The following SV2B variants were observed in gnomAD, a reference collection of about 807,000 sequenced individuals.
SV2B encodes solute carrier family 22 member B2.
In SV2B, 41 loss-of-function variants were observed where a neutral mutation model predicts 73.9. The observed-to-expected ratio is 0.56, with a 90% CI of 0.43 to 0.72. The LOEUF (loss-of-function observed/expected upper bound fraction) is 0.72. Ranked by LOEUF, SV2B falls within the 30% of genes least tolerant of loss-of-function variation. SV2B has a pLI of 0.00. For synonymous variants in SV2B, 314 were observed against 314.2 expected, an observed-to-expected ratio of 1.00 and a Z score of 0.01; for missense variants, 764 against 857.8, an observed-to-expected ratio of 0.89 and a Z score of 1.37.
chr15:91,129,335 G>C lies in SV2B; in HGVS notation c.-392+28972G>C, dbSNP rs1366249001. ...GAAATTTACCATTTCATAAGGTAAA[G>C]TGAAAGGAAGGCTGTGGCAAAGGTA... On this transcript the variant is annotated intron_variant, in intron 1 of 12. Transcript: ENST00000394232. This position sits in a 1 kb window ranked among gnomAD's most constrained non-coding sequence, Gnocchi z 5.1. Among the ~76,000 whole-genome samples the C allele has an allele frequency of 6.6e-6, 1 of 152,212 alleles. No homozygotes were observed. The highest frequency in any genetic ancestry group is 1.5e-5 in the Non-Finnish European group (1 of 68,048).
intron 1 of SV2B, among the ~76,000 whole-genome samples, chr15:91,117,288 A>G (rs1352193849): frequency 6.6e-6 from 1 of 152,220 alleles, no homozygotes; most frequent in Non-Finnish European, 1.5e-5. Context: ...GGATAATATT[A>G]ACGAGAATTC....
chr15:91,118,134 T>A lies in SV2B; in HGVS notation c.-392+17771T>A, dbSNP rs2042230119. Among the ~76,000 whole-genome samples the A allele has an allele frequency of 6.6e-6, 1 of 152,112 alleles. No homozygotes were observed. ...GAGGTGAAACACTTTTTGTTCCCCATAAAACCAAGAAAAGGGCCTCCAAGA... is the reference window on the plus strand; with the variant it reads ...GAGGTGAAACACTTTTTGTTCCCCAAAAAACCAAGAAAAGGGCCTCCAAGA... On this transcript the variant is annotated intron_variant, in intron 1 of 12. Transcript: ENST00000394232. The surrounding 1 kb of genome is among the most constrained non-coding windows in gnomAD (Gnocchi z 4.7).
At chr15:91,163,503 T>C (rs1305433418) in intron 1 of SV2B, among the ~76,000 whole-genome samples, 1 of 152,256 alleles carries the variant, frequency 6.6e-6, no homozygotes, top group Non-Finnish European at 1.5e-5. Flanking sequence ...TTTGCATTTC[T>C]CTGATGGCCA....
In SV2B at chr15:91,288,690, CT is replaced by C. The variant is rs1047668589; in HGVS notation, c.1709-824del. ...TTCCTTCCTTCTTTTTCTCTTTCTT[CT>C]TTTTTTGACAGTGTCTTGCTCTGTC... On this transcript the variant is annotated intron_variant, in intron 11 of 12. Coordinates refer to ENST00000394232, the MANE Select transcript of SV2B (RefSeq NM_001323032.3). The surrounding 1 kb of genome is among the most constrained non-coding windows in gnomAD (Gnocchi z 5.8). Among the ~76,000 whole-genome samples the C allele has an allele frequency of 2.0e-5, 3 of 148,318 alleles. No homozygotes were observed. The Admixed American group carries it at 2.0e-4, about 10-fold the overall frequency.
chr15:91,273,415 G>A (rs2048380787), intron 9 of SV2B, among the ~76,000 whole-genome samples: 1 of 152,196 alleles, frequency 6.6e-6, no homozygotes, highest in Non-Finnish European at 1.5e-5. Flanking sequence ...AAGTTCTGTA[G>A]CTTACTCCAG....
chr15:91,203,292 C>T (rs1183334457), intron 1 of SV2B, among the ~76,000 whole-genome samples: 1 of 152,188 alleles, frequency 6.6e-6, no homozygotes, highest in East Asian at 1.9e-4. Context: ...TATGCCATCC[C>T]CTGTGGTCAA....
chr15:91,147,708 A>G lies in SV2B; in HGVS notation c.-392+47345A>G, dbSNP rs2043185427. Among the ~76,000 whole-genome samples the G allele has an allele frequency of 2.0e-5, 3 of 152,286 alleles. No homozygotes were observed. The South Asian group carries it at 6.2e-4, about 32-fold the overall frequency. On this transcript the variant is annotated intron_variant, in intron 1 of 12. Transcript: ENST00000394232. ...ACGTCTGCTGGATATCAAACATGCA[A>G]GACTCATTACTTGCCTGAATCCGGG...
chr15:91,227,044 G>T lies in SV2B; in HGVS notation c.451+330G>T, dbSNP rs149160195. On this transcript the variant is annotated intron_variant, in intron 2 of 12. Transcript: ENST00000394232. This position sits in a 1 kb window ranked among gnomAD's most constrained non-coding sequence, Gnocchi z 4.5. ...CAAATACATTTTGGGAGTGGCAAAT[G>T]TGGGAGTGGCAAATTAAACCTTCTT... is the stretch of plus-strand genomic sequence containing the variant. 6.6e-6 allele frequency among the ~76,000 whole-genome samples: 1 copy of T among 152,142 alleles called. No homozygotes were observed. The highest frequency in any genetic ancestry group is 1.5e-5 in the Non-Finnish European group (1 of 68,038).
intron 2 of SV2B, among the ~76,000 whole-genome samples, chr15:91,246,964 T>C (rs1409235620): frequency 6.6e-6 from 1 of 152,222 alleles, no homozygotes; most frequent in East Asian, 1.9e-4. Flanking sequence ...ATTTTCCAAA[T>C]GTATTTTTTA....
In SV2B at chr15:91,241,475, C is replaced by G. The variant is rs2047011493; in HGVS notation, c.452-10344C>G. ...TGCTGCCAGCCATCATCCTTCATTT[C>G]CCTCATCCCTTCACACTCTCCTTGA... On this transcript the variant is annotated intron_variant, in intron 2 of 12. Coordinates refer to ENST00000394232, the MANE Select transcript of SV2B (RefSeq NM_001323032.3). The surrounding 1 kb of genome is among the most constrained non-coding windows in gnomAD (Gnocchi z 4.8). Among the ~76,000 whole-genome samples the G allele has an allele frequency of 6.6e-6, 1 of 152,138 alleles. No individual in the cohort carries two copies. The highest frequency in any genetic ancestry group is 1.9e-4 in the East Asian group (1 of 5,176).
chr15:91,203,543 A>G (rs997583409), intron 1 of SV2B, among the ~76,000 whole-genome samples: 2 of 152,234 alleles, frequency 1.3e-5, no homozygotes, highest in African/African-American at 4.8e-5. Flanking sequence ...TTATTCAAAC[A>G]CTATTAAGTT....
rs533529614 is a variant in SV2B, at chr15:91,134,348, T to C, written c.-392+33985T>C. ...CAACTTCTTCTTTCCCAGGGACCTCTTTGCATTTTCTGATAAGGATGTTGC... is the reference window on the plus strand; with the variant it reads ...CAACTTCTTCTTTCCCAGGGACCTCCTTGCATTTTCTGATAAGGATGTTGC... On this transcript the variant is annotated intron_variant, in intron 1 of 12. Transcript: ENST00000394232. 7.7e-4 allele frequency among the ~76,000 whole-genome samples: 117 copies of C among 152,246 alleles called. 1 individual carries two copies. Among genetic ancestry groups the C allele is most frequent in the African/African-American group, 2.7e-3 (112 of 41,540 alleles).
chr15:91,249,465 A>C (rs774466740), intron 2 of SV2B, among the ~76,000 whole-genome samples: 4 of 152,246 alleles, frequency 2.6e-5, no homozygotes, highest in Non-Finnish European at 5.9e-5. Flanking sequence ...ACCATTCCTC[A>C]CTTGACAAGC....
chr15:91,196,752 G>A (rs1463778475), intron 1 of SV2B, among the ~76,000 whole-genome samples: 1 of 152,232 alleles, frequency 6.6e-6, no homozygotes, highest in Non-Finnish European at 1.5e-5. Context: ...TTGCTGAACA[G>A]GATGTGCCTA....
rs2047067840 is a variant in SV2B, at chr15:91,242,694, CAG to C, written c.452-9123_452-9122del. Among the ~76,000 whole-genome samples, 3 of 152,116 alleles carry C rather than the reference CAG, an allele frequency of 2.0e-5. No individual in the cohort carries two copies. The highest frequency in any genetic ancestry group is 6.5e-5 in the Admixed American group (1 of 15,268). On this transcript the variant is annotated intron_variant, in intron 2 of 12. Coordinates refer to ENST00000394232, the MANE Select transcript of SV2B (RefSeq NM_001323032.3). This position sits in a 1 kb window ranked among gnomAD's most constrained non-coding sequence, Gnocchi z 4.9. ...TAATACTTGATAAAAGGGTGAATAG[CAG>C]AATAAGAGTAACCGTCATAGGATGA...
Position 91,292,624 on chromosome 15 carries a change from T to A in SV2B, c.*72T>A. 6.5e-7 allele frequency: 1 copy of A among 1,534,964 alleles called. No individual in the cohort carries two copies. The highest frequency in any genetic ancestry group is 8.8e-7 in the Non-Finnish European group (1 of 1,140,982). ...CTGAAATGCATCCACACTTCCTGCCTATCACGGTCCGGAGGACACCTTGGA... is the reference window on the plus strand; with the variant it reads ...CTGAAATGCATCCACACTTCCTGCCAATCACGGTCCGGAGGACACCTTGGA... On this transcript the variant is annotated 3_prime_UTR_variant, in exon 13 of 13. Coordinates refer to ENST00000394232, the MANE Select transcript of SV2B (RefSeq NM_001323032.3).
At chr15:91,187,118 C>T (rs961309675) in intron 1 of SV2B, among the ~76,000 whole-genome samples, 4 of 152,152 alleles carry the variant, frequency 2.6e-5, no homozygotes, top group South Asian at 2.1e-4. Flanking sequence ...TAACATTTCA[C>T]GGGTGTTCAT....
intron 1 of SV2B, among the ~76,000 whole-genome samples, chr15:91,163,450 G>A (rs1332098914): frequency 8.5e-5 from 13 of 152,082 alleles, no homozygotes; most frequent in African/African-American, 2.7e-4. Context: ...TTTAATGATC[G>A]CCATTCTAAC....
rs960066067 is a variant in SV2B, at chr15:91,268,873, T to C, written c.1373+268T>C. On this transcript the variant is annotated intron_variant, in intron 9 of 12. Transcript: ENST00000394232. This position sits in a 1 kb window ranked among gnomAD's most constrained non-coding sequence, Gnocchi z 4.4. ...AGACATTTGACTGAGGACGGTCAGT[T>C]GGGCCATTTTTCCAAGTGATGTCCC... 3.3e-5 allele frequency among the ~76,000 whole-genome samples: 5 copies of C among 152,154 alleles called. No individual in the cohort carries two copies. The highest frequency in any genetic ancestry group is 1.3e-4 in the Admixed American group (2 of 15,282).
Sources: gnomAD v4.1 joint callset for allele counts (sites outside exome capture counted in the v4.1 genomes callset) on GRCh38, gnomAD v4.1.1 for gene constraint, Gnocchi (gnomAD v3.1) non-coding constraint, MANE v1.5 for transcripts, NCBI Gene and HGNC (gene_info 2026-07-23, HGNC 2026-07-21) for gene names.